Variants in COL27A1 observed in about 807,000 individuals in gnomAD.
The protein encoded by COL27A1 is collagen type XXVII alpha 1 chain, also known as collagen alpha-1(XXVII) chain.
Under a neutral mutation model 251.3 loss-of-function variants are expected in COL27A1, and 106 were observed. The observed-to-expected ratio is 0.42, with a 90% CI of 0.36 to 0.50. COL27A1 has a LOEUF of 0.50. Among genes scored for constraint, COL27A1 ranks in the 20% least tolerant of loss-of-function variants. The pLI is 0.00. For synonymous variants in COL27A1, 1,000 were observed against 986.3 expected (o/e 1.01, Z -0.26); for missense variants, 2,325 against 2,522.8 (o/e 0.92, Z 1.68).
At chr9:114,250,482 C>T in intron 24 of COL27A1, 133 bp from the exon 25 acceptor site, 1 of 768,904 alleles carries the variant, frequency 1.3e-6, no homozygotes, top group Non-Finnish European at 2.3e-6. Flanking sequence ...CTCTCCCCGG[C>T]ACAACCCCAT....
In COL27A1 at chr9:114,257,658, C is replaced by T. The variant is rs574924192; in HGVS notation, c.3142-883C>T. ...CCTTCTCATGCCACCCCACCCACTT[C>T]TCTGCCTCTGCCTCCCCTCTCCTTC... On this transcript the variant is annotated intron_variant, in intron 27 of 60. Coordinates refer to ENST00000356083, the MANE Select transcript of COL27A1 (RefSeq NM_032888.4). Among the ~76,000 whole-genome samples the T allele has an allele frequency of 5.9e-5, 9 of 152,292 alleles. No homozygotes were observed. The South Asian group carries it at 6.2e-4, about 11-fold the overall frequency.
At position 114,279,481 on chromosome 9, in the gene COL27A1, T is replaced by C. The variant is rs1199033842; in HGVS notation, c.3718-2796T>C. ...CGATAGAAATGAAATACAAGCCATA[T>C]ACAAGCCACTCCTTTTAAATTTTCT... On this transcript the variant is annotated intron_variant, in intron 37 of 60. Coordinates refer to ENST00000356083, the MANE Select transcript of COL27A1 (RefSeq NM_032888.4). Among the ~76,000 whole-genome samples, 3 of 152,180 alleles carry C rather than the reference T, an allele frequency of 2.0e-5. No homozygotes were observed. In the East Asian group the frequency reaches 5.8e-4, roughly 29 times the overall value.
intron 48 of COL27A1, 28 bp from the exon 49 acceptor site, chr9:114,292,071 TTGAC>T (rs1460260641): frequency 6.5e-7 from 1 of 1,540,660 alleles, no homozygotes; most frequent in Non-Finnish European, 8.8e-7. Context: ...CCTTCCCACT[TTGAC>T]TGGTAATTTT....
chr9:114,173,551 A>G (rs191499759), intron 3 of COL27A1, among the ~76,000 whole-genome samples: 201 of 151,980 alleles, frequency 1.3e-3, no homozygotes, highest in Non-Finnish European at 2.1e-3. Context: ...TCTTTGCACA[A>G]TTGTTAACTG....
chr9:114,271,020 GC>G (rs1835101767), intron 36 of COL27A1: 1 of 507,434 alleles, frequency 2.0e-6, no homozygotes, highest in Non-Finnish European at 3.4e-6. Flanking sequence ...AGTCTTTCCT[GC>G]TACCCTTCTT....
intron 56 of COL27A1, 42 bp from the exon 57 acceptor site, chr9:114,304,566 C>T: frequency 6.2e-7 from 1 of 1,604,076 alleles, no homozygotes; most frequent in Non-Finnish European, 8.5e-7. Context: ...TGTGGAGAAC[C>T]CTGGGGGGCC....
chr9:114,185,482 G>A (rs1185847607), intron 5 of COL27A1, among the ~76,000 whole-genome samples: 1 of 152,232 alleles, frequency 6.6e-6, no homozygotes, highest in African/African-American at 2.4e-5. Flanking sequence ...GCATGGGCAG[G>A]ACAAGGTTAA....
At chr9:114,292,896 C>T (rs1828019294) in intron 49 of COL27A1, among the ~76,000 whole-genome samples, 1 of 152,100 alleles carries the variant, frequency 6.6e-6, no homozygotes, top group Admixed American at 6.5e-5. Context: ...TTCAAAATAG[C>T]ATAAGAATCA....
intron 28 of COL27A1, among the ~76,000 whole-genome samples, chr9:114,262,446 G>A (rs1390432717): frequency 2.6e-5 from 4 of 152,202 alleles, no homozygotes; most frequent in Admixed American, 6.5e-5. Context: ...AACTGCCTGA[G>A]GAAGGGACTG....
chr9:114,166,398 C>CATCCATCCAT (rs1848875124), intron 2 of COL27A1, among the ~76,000 whole-genome samples: 1 of 144,504 alleles, frequency 6.9e-6, no homozygotes, highest in Non-Finnish European at 1.5e-5. Context: ...CATCCATCCA[C>CATCCATCCAT]CCACCCACCT....
At chr9:114,300,257 C>A in intron 50 of COL27A1, 134 bp downstream of exon 50, 1 of 830,446 alleles carries the variant, frequency 1.2e-6, no homozygotes. Flanking sequence ...GGCATGAACA[C>A]CCTCATCCCC....
chr9:114,259,474 T>G (rs147442212), intron 28 of COL27A1, among the ~76,000 whole-genome samples: 113 of 149,566 alleles, frequency 7.6e-4, no homozygotes, highest in African/African-American at 2.6e-3. Context: ...ATTTTATTAT[T>G]GGATTACTTA....
At chr9:114,183,744 T>G (rs1478191791) in intron 5 of COL27A1, among the ~76,000 whole-genome samples, 1 of 152,094 alleles carries the variant, frequency 6.6e-6, no homozygotes, top group East Asian at 1.9e-4. Flanking sequence ...TGGACAGATA[T>G]TCTGGAACTC....
intron 14 of COL27A1, among the ~76,000 whole-genome samples, chr9:114,226,140 A>T (rs1202764571): frequency 2.6e-5 from 4 of 152,204 alleles, no homozygotes; most frequent in African/African-American, 9.6e-5. Context: ...ATTCAGAGTG[A>T]CACAGAGGAA....
intron 24 of COL27A1, among the ~76,000 whole-genome samples, chr9:114,249,741 C>T (rs1055569471): frequency 2.0e-5 from 3 of 152,116 alleles, no homozygotes; most frequent in African/African-American, 7.2e-5. Context: ...GGACAGGGAG[C>T]GGATTTTATG....
intron 12 of COL27A1, among the ~76,000 whole-genome samples, 161 bp from the exon 13 acceptor site, chr9:114,219,630 C>T (rs1416370725): frequency 1.3e-5 from 2 of 152,142 alleles, no homozygotes; most frequent in South Asian, 2.1e-4. Flanking sequence ...AGGTGCTTGT[C>T]GATGGTAGGG....
At chr9:114,234,474 TGA>T (rs1246989112) in intron 16 of COL27A1, among the ~76,000 whole-genome samples, 1 of 152,136 alleles carries the variant, frequency 6.6e-6, no homozygotes, top group African/African-American at 2.4e-5. Flanking sequence ...ATCCTGGGGC[TGA>T]CAGAGTGTCA....
chr9:114,223,582 C>A (rs1311342463), intron 14 of COL27A1, among the ~76,000 whole-genome samples: 1 of 152,140 alleles, frequency 6.6e-6, no homozygotes, highest in Non-Finnish European at 1.5e-5. Flanking sequence ...GGGATCCCCT[C>A]TGTGAAATGG....
chr9:114,201,947 AG>A (rs1367972434), intron 7 of COL27A1, among the ~76,000 whole-genome samples: 1 of 152,220 alleles, frequency 6.6e-6, no homozygotes, highest in African/African-American at 2.4e-5. Flanking sequence ...CGCTGCCCCT[AG>A]AAAGCTGTGT....
Sources: allele counts gnomAD v4.1 joint callset (sites outside exome capture counted in the v4.1 genomes callset), GRCh38; gene constraint gnomAD v4.1.1; transcripts MANE v1.5; gene names NCBI Gene and HGNC (gene_info 2026-07-23, HGNC 2026-07-21).